Variants in TOMM20 observed in about 807,000 individuals in gnomAD.
TOMM20 encodes the protein translocase of outer mitochondrial membrane 20.
In TOMM20, 10 loss-of-function variants were observed where a neutral mutation model predicts 22.1. That is an observed-to-expected ratio of 0.45 (90% CI 0.28 to 0.77). The LOEUF is 0.77. TOMM20 is among the 30% of genes least tolerant of loss of function. The pLI, the probability that TOMM20 is intolerant of heterozygous loss-of-function variation, is 0.13. For synonymous variants in TOMM20, 55 were observed against 61.4 expected (o/e 0.90, Z 0.49); for missense variants, 121 against 172.2 (o/e 0.70, Z 1.66).
At chr1:235,113,955 C>T (rs1660784598) in intron 3 of TOMM20, 45 bp from the exon 4 acceptor site, 2 of 1,516,036 alleles carry the variant, frequency 1.3e-6, no homozygotes, top group South Asian at 2.6e-5. Context: ...AAAGCCTTGG[C>T]CTTTGTCAAA....
Position 235,119,731 on chromosome 1 carries a change from A to G in TOMM20, c.250+87T>C, listed in dbSNP as rs376369131. 3.1e-5 allele frequency: 27 copies of G among 860,152 alleles called. No individual in the cohort carries two copies. The South Asian group carries it at 4.1e-4, about 13-fold the overall frequency. 53.3% of individuals were successfully genotyped at this position (860,152 alleles called of 1,614,324 possible). On this transcript the variant is annotated intron_variant, in intron 3 of 4. Coordinates refer to ENST00000366607, the MANE Select transcript of TOMM20 (RefSeq NM_014765.3). ...TTGGAGTACCTTTTCTAACAGCCAAATTACACAAACAAAGCCCCTTATCAT... is the reference window on the plus strand; with the variant it reads ...TTGGAGTACCTTTTCTAACAGCCAAGTTACACAAACAAAGCCCCTTATCAT...
At chr1:235,115,653 AT>A (rs1242599770) in intron 3 of TOMM20, among the ~76,000 whole-genome samples, 1 of 152,200 alleles carries the variant, frequency 6.6e-6, no homozygotes, top group African/African-American at 2.4e-5. Context: ...AAATAAAAAA[AT>A]AATAACAATA....
chr1:235,119,674 TA>T (rs1290215301), intron 3 of TOMM20, 143 bp downstream of exon 3: 19 of 500,596 alleles, frequency 3.8e-5, no homozygotes, highest in Admixed American at 1.8e-4. Context: ...ATCTTCCAAT[TA>T]TTAAGTGCCT....
intron 1 of TOMM20, among the ~76,000 whole-genome samples, chr1:235,125,310 G>A (rs1572131914): frequency 6.6e-6 from 1 of 152,188 alleles, no homozygotes. Flanking sequence ...CGCCTCCCGA[G>A]TTCACGCCAT....
In TOMM20 at chr1:235,109,960, T is replaced by C. The variant is rs1660712677; in HGVS notation, c.*2104A>G. The C allele has an allele frequency of 1.3e-5, 2 of 152,304 alleles. No homozygotes were observed. Among genetic ancestry groups the C allele is most frequent in the Admixed American group, 1.3e-4 (2 of 15,298 alleles). 9.4% of individuals were successfully genotyped at this position (152,304 alleles called of 1,614,324 possible). A position where few individuals can be genotyped will look rare whatever the true frequency, so the allele number is the denominator to read the frequency against. ...CACCTTGTAAAACTTAAGATGGGGA[T>C]GAATAGTGTTTGGCAATTACATTTC... is the stretch of plus-strand genomic sequence containing the variant. On this transcript the variant is annotated 3_prime_UTR_variant, in exon 5 of 5. Coordinates refer to ENST00000366607, the MANE Select transcript of TOMM20 (RefSeq NM_014765.3).
At position 235,111,997 on chromosome 1, in the gene TOMM20, G is replaced by A; in HGVS notation, c.*67C>T. ...GCATATTTGCCCTTATTCCCCCAGA[G>A]CTGCTCAACTACCAAGAATTTTTAA... On this transcript the variant is annotated 3_prime_UTR_variant, in exon 5 of 5. Transcript: ENST00000366607. 8.7e-6 allele frequency: 12 copies of A among 1,385,330 alleles called. No individual in the cohort carries two copies. Among genetic ancestry groups the A allele is most frequent in the Non-Finnish European group, 1.1e-5 (11 of 983,338 alleles). The allele number at this position is 1,385,330 out of a possible 1,614,324, so 85.8% of individuals were successfully genotyped here. A position where few individuals can be genotyped will look rare whatever the true frequency, so the allele number is the denominator to read the frequency against.
chr1:235,116,910 C>A (rs113468525), intron 3 of TOMM20, among the ~76,000 whole-genome samples: 3 of 150,278 alleles, frequency 2.0e-5, no homozygotes, highest in African/African-American at 7.3e-5. Context: ...CCAAGGCGGG[C>A]GGATCACAAG....
intron 2 of TOMM20, among the ~76,000 whole-genome samples, chr1:235,120,945 T>G (rs1475217875): frequency 6.6e-6 from 1 of 151,516 alleles, no homozygotes; most frequent in Non-Finnish European, 1.5e-5. Context: ...CTCATGCCTG[T>G]AATCCCAGCA....
intron 1 of TOMM20, among the ~76,000 whole-genome samples, chr1:235,126,276 G>A (rs922061915): frequency 6.6e-6 from 1 of 151,482 alleles, no homozygotes; most frequent in African/African-American, 2.4e-5. Flanking sequence ...GGGACTACCG[G>A]CGTGCACCAC....
chr1:235,119,991 C>A, intron 2 of TOMM20, 92 bp from the exon 3 acceptor site: 1 of 724,166 alleles, frequency 1.4e-6, no homozygotes. Flanking sequence ...CAACAAAAAA[C>A]CAAATCACTC....
chr1:235,115,717 T>A (rs531647174), intron 3 of TOMM20, among the ~76,000 whole-genome samples: 3 of 152,214 alleles, frequency 2.0e-5, no homozygotes, highest in Non-Finnish European at 4.4e-5. Context: ...TCTGAGCAGA[T>A]ATTTACTGCC....
chr1:235,128,124 A>G (rs1430739329), intron 1 of TOMM20, among the ~76,000 whole-genome samples: 1 of 152,190 alleles, frequency 6.6e-6, no homozygotes, highest in Non-Finnish European at 1.5e-5. Flanking sequence ...CAGTGAGCCG[A>G]GATCGCGCCA....
chr1:235,120,693 C>T (rs746876539), intron 2 of TOMM20, among the ~76,000 whole-genome samples: 2 of 152,058 alleles, frequency 1.3e-5, no homozygotes, highest in Non-Finnish European at 2.9e-5. Flanking sequence ...CCTCCTACCT[C>T]AGCCTCTCTC....
chr1:235,113,691 G>A, intron 4 of TOMM20, 77 bp downstream of exon 4: 1 of 1,497,938 alleles, frequency 6.7e-7, no homozygotes, highest in Non-Finnish European at 9.0e-7. Context: ...ATGTTCACTA[G>A]GCTCATTTTA....
At position 235,122,574 on chromosome 1, in the gene TOMM20, T is replaced by C. The variant is rs1660946287; in HGVS notation, c.122-202A>G. On this transcript the variant is annotated intron_variant, in intron 1 of 4. Coordinates refer to ENST00000366607, the MANE Select transcript of TOMM20 (RefSeq NM_014765.3). ...GAAATGTGACACTGCACTGGAGCGTTCTCCTTCCCTTTGGGGCAGAAGATC... is the reference window on the plus strand; with the variant it reads ...GAAATGTGACACTGCACTGGAGCGTCCTCCTTCCCTTTGGGGCAGAAGATC... 3 of 416,178 alleles carry C rather than the reference T, an allele frequency of 7.2e-6. No individual in the cohort carries two copies. The South Asian group carries it at 2.6e-4, about 36-fold the overall frequency. The allele number at this position is 416,178 out of a possible 1,614,324, so 25.8% of individuals were successfully genotyped here.
At chr1:235,119,931 C>A (rs1005068836) in intron 2 of TOMM20, 32 bp from the exon 3 acceptor site, 5 of 1,442,820 alleles carry the variant, frequency 3.5e-6, no homozygotes, top group African/African-American at 1.4e-5. Context: ...AATGACACCA[C>A]AATTATGCCA....
chr1:235,118,063 C>T (rs1660864196), intron 3 of TOMM20, among the ~76,000 whole-genome samples: 1 of 152,236 alleles, frequency 6.6e-6, no homozygotes, highest in Middle Eastern at 3.2e-3. Flanking sequence ...TCAGTTCCTG[C>T]TTCTGAATAC....
chr1:235,117,914 G>C (rs1660862009), intron 3 of TOMM20, among the ~76,000 whole-genome samples: 1 of 152,060 alleles, frequency 6.6e-6, no homozygotes, highest in South Asian at 2.1e-4. Flanking sequence ...TGGGTTCCCA[G>C]GCACCATCTT....
chr1:235,112,695 C>A (rs570707776), intron 4 of TOMM20, among the ~76,000 whole-genome samples: 2 of 152,082 alleles, frequency 1.3e-5, no homozygotes, highest in African/African-American at 4.8e-5. Context: ...TTTTCACTCC[C>A]AGGCAAACCA....
Sources: gnomAD v4.1 joint callset for allele counts (sites outside exome capture counted in the v4.1 genomes callset) on GRCh38, gnomAD v4.1.1 for gene constraint, MANE v1.5 for transcripts, NCBI Gene and HGNC (gene_info 2026-07-23, HGNC 2026-07-21) for gene names.